CIMIP1: variants seen among roughly 807,000 people sequenced by gnomAD.
The protein encoded by CIMIP1 is low in lung cancer 1.
chr20:58,157,139 G>A, the CIMIP1 span, among the ~76,000 whole-genome samples: 17 of 152,180 alleles, frequency 1.1e-4, no homozygotes, highest in African/African-American at 9.7e-5. Context: ...TTTTGGGGGT[G>A]CTCCTTCCAG....
At chr20:58,159,341 C>T in the CIMIP1 span, among the ~76,000 whole-genome samples, 2 of 151,826 alleles carry the variant, frequency 1.3e-5, no homozygotes, top group Non-Finnish European at 2.9e-5. Flanking sequence ...CATGGTGAAA[C>T]CCTGTCTCTA....
the CIMIP1 span, chr20:58,160,913 G>A: frequency 5.7e-6 from 8 of 1,409,130 alleles, no homozygotes; most frequent in East Asian, 9.5e-5. Flanking sequence ...CCTGAATCCC[G>A]AGGACACAGT....
the CIMIP1 span, chr20:58,155,639 G>A: frequency 8.0e-7 from 1 of 1,254,980 alleles, no homozygotes; most frequent in East Asian, 2.4e-5. Flanking sequence ...AAGCCCCAGT[G>A]GAAACTGATG....
At chr20:58,161,031 T>C in the CIMIP1 span, 1 of 436,534 alleles carries the variant, frequency 2.3e-6, no homozygotes, top group South Asian at 6.9e-5. Context: ...ACACCCATTC[T>C]TGGCTAATGT....
the CIMIP1 span, chr20:58,160,581 C>A: frequency 2.8e-5 from 41 of 1,458,098 alleles, no homozygotes; most frequent in Non-Finnish European, 3.6e-5. Context: ...GTCTTTTCCA[C>A]CCCTGCCTCA....
At chr20:58,159,838 AGGAGTTC>A in the CIMIP1 span, among the ~76,000 whole-genome samples, 1 of 152,196 alleles carries the variant, frequency 6.6e-6, no homozygotes, top group Non-Finnish European at 1.5e-5. Context: ...GACTAATTTT[AGGAGTTC>A]ATCAAGAACA....
chr20:58,152,751 T>C, the CIMIP1 span, among the ~76,000 whole-genome samples: 2 of 146,088 alleles, frequency 1.4e-5, no homozygotes, highest in African/African-American at 5.0e-5. Flanking sequence ...AAAAAGACTG[T>C]CACCTGTTTA....
the CIMIP1 span, chr20:58,155,593 AT>A: frequency 6.4e-7 from 1 of 1,570,096 alleles, no homozygotes; most frequent in Non-Finnish European, 8.8e-7. Context: ...TTAAATACTC[AT>A]TTTTTTAAAA....
the CIMIP1 span, chr20:58,153,716 C>T: frequency 5.1e-6 from 5 of 990,098 alleles, no homozygotes; most frequent in Non-Finnish European, 6.2e-6. Flanking sequence ...AAGAATAAAA[C>T]TAAAGAGCAT....
the CIMIP1 span, among the ~76,000 whole-genome samples, chr20:58,155,765 C>T: frequency 1.3e-5 from 2 of 152,334 alleles, no homozygotes; most frequent in African/African-American, 4.8e-5. Context: ...CTAAAGTCTA[C>T]AAGTGCAAGC....
the CIMIP1 span, chr20:58,160,856 A>G: frequency 1.2e-5 from 19 of 1,589,058 alleles, no homozygotes; most frequent in South Asian, 6.7e-5. Flanking sequence ...GGTGCTGCAT[A>G]TCGGTCACCA....
At chr20:58,153,529 A>C in the CIMIP1 span, 1 of 1,611,784 alleles carries the variant, frequency 6.2e-7, no homozygotes, top group Admixed American at 1.7e-5. Context: ...AGCACTCAGG[A>C]ACTTTCTTTT....
At chr20:58,153,501 C>G in the CIMIP1 span, 1 of 1,504,970 alleles carries the variant, frequency 6.6e-7, no homozygotes, top group African/African-American at 1.4e-5. Flanking sequence ...ACCCCTTGAA[C>G]CTTTTTCCGT....
chr20:58,160,940 C>G, the CIMIP1 span: 2 of 1,140,458 alleles, frequency 1.8e-6, no homozygotes, highest in Admixed American at 5.4e-5. Context: ...CGTACTTGCT[C>G]ATGGGATGTT....
At chr20:58,151,937 A>G in the CIMIP1 span, among the ~76,000 whole-genome samples, 1 of 152,200 alleles carries the variant, frequency 6.6e-6, no homozygotes. Flanking sequence ...TTTAACTCAT[A>G]TGGGAATTTA....
the CIMIP1 span, among the ~76,000 whole-genome samples, chr20:58,151,401 T>A: frequency 6.6e-6 from 1 of 151,918 alleles, no homozygotes; most frequent in Non-Finnish European, 1.5e-5. Flanking sequence ...TTAAGACTGA[T>A]GATTTTTGTT....
the CIMIP1 span, among the ~76,000 whole-genome samples, chr20:58,155,992 T>C: frequency 4.6e-5 from 7 of 152,212 alleles, no homozygotes; most frequent in Non-Finnish European, 8.8e-5. Context: ...CCCCTGCCTG[T>C]CTTATACAAT....
At chr20:58,157,419 A>T in the CIMIP1 span, among the ~76,000 whole-genome samples, 1,888 of 152,276 alleles carry the variant, frequency 0.012, 40 homozygotes, top group African/African-American at 0.041. Context: ...TATTCCTCAA[A>T]TGTATGTTCA....
the CIMIP1 span, among the ~76,000 whole-genome samples, chr20:58,155,872 G>A: frequency 2.4e-4 from 36 of 152,318 alleles, no homozygotes; most frequent in African/African-American, 8.2e-4. Flanking sequence ...GGGCAGGAAG[G>A]CAGGGCAGAC....
Sources: allele counts gnomAD v4.1 joint callset (sites outside exome capture counted in the v4.1 genomes callset), GRCh38; gene constraint gnomAD v4.1.1; transcripts MANE v1.5; gene names NCBI Gene and HGNC (gene_info 2026-07-23, HGNC 2026-07-21).